PRR16: variants seen among roughly 807,000 people sequenced by gnomAD.
The protein encoded by PRR16 is proline rich 16, also known as protein Largen.
PRR16 carries 6 observed loss-of-function variants against 18.2 expected under a neutral mutation model. The observed-to-expected ratio is 0.33, with a 90% confidence interval of 0.18 to 0.65. PRR16 has a LOEUF of 0.65. Among genes scored for constraint, PRR16 ranks in the 30% least tolerant of loss-of-function variants. The pLI is 0.74. For missense variants in PRR16, 412 were observed against 376.6 expected, an observed-to-expected ratio of 1.09 and a Z score of -0.78; for synonymous variants, 151 against 147.8, an observed-to-expected ratio of 1.02 and a Z score of -0.16.
At chr5:120,666,489 C>T (rs1192696787) in intron 1 of PRR16, among the ~76,000 whole-genome samples, 6 of 151,718 alleles carry the variant, frequency 4.0e-5, no homozygotes, top group Middle Eastern at 3.4e-3. Flanking sequence ...GAACTTCCAA[C>T]ACTATGTTGC....
At chr5:120,643,285 T>C (rs569631951) in intron 1 of PRR16, among the ~76,000 whole-genome samples, 2 of 152,218 alleles carry the variant, frequency 1.3e-5, no homozygotes, top group Admixed American at 1.3e-4. Flanking sequence ...CTCTATTTTA[T>C]TATGAGTTAA....
chr5:120,638,938 A>G (rs1185232099), intron 1 of PRR16, among the ~76,000 whole-genome samples: 1 of 152,114 alleles, frequency 6.6e-6, no homozygotes, highest in Non-Finnish European at 1.5e-5. Flanking sequence ...CATATTTTAT[A>G]TGATTGAAGC....
chr5:120,604,660 A>G (rs1323762665), intron 1 of PRR16, among the ~76,000 whole-genome samples: 1 of 152,002 alleles, frequency 6.6e-6, no homozygotes, highest in Non-Finnish European at 1.5e-5. Context: ...TATGTACTTA[A>G]ATATGTTTTT....
chr5:120,689,946 A>G (rs1444128378), downstream of PRR16, among the ~76,000 whole-genome samples: 3 of 152,152 alleles, frequency 2.0e-5, no homozygotes, highest in Non-Finnish European at 2.9e-5. Flanking sequence ...AAATATGTTC[A>G]CAAAAATACA....
chr5:120,636,572 C>T (rs892069963), intron 1 of PRR16, among the ~76,000 whole-genome samples: 11 of 152,270 alleles, frequency 7.2e-5, no homozygotes, highest in South Asian at 2.1e-4. Flanking sequence ...GGGTAACTGG[C>T]TAGCCACATG....
intron 1 of PRR16, among the ~76,000 whole-genome samples, chr5:120,498,992 T>A (rs896380693): frequency 2.6e-5 from 4 of 152,078 alleles, no homozygotes; most frequent in Non-Finnish European, 4.4e-5. Context: ...TTATGAGGTA[T>A]CTTAGTTTGG....
At chr5:120,782,164 TTAATG>T in the PRR16 span, among the ~76,000 whole-genome samples, 1 of 152,156 alleles carries the variant, frequency 6.6e-6, no homozygotes, top group African/African-American at 2.4e-5. Flanking sequence ...ATTTTGGACT[TTAATG>T]TAAAAGTTTG....
At chr5:120,646,647 C>A (rs531789750) in intron 1 of PRR16, among the ~76,000 whole-genome samples, 1 of 151,902 alleles carries the variant, frequency 6.6e-6, no homozygotes, top group East Asian at 1.9e-4. Flanking sequence ...AAAATCTAGG[C>A]AATGATATGT....
the PRR16 span, among the ~76,000 whole-genome samples, chr5:120,749,957 C>T: frequency 1.3e-5 from 2 of 152,102 alleles, no homozygotes; most frequent in Admixed American, 6.5e-5. Context: ...ATTTGTCTAA[C>T]CACCTCTCCT....
chr5:120,576,034 G>A (rs975125222), intron 1 of PRR16, among the ~76,000 whole-genome samples: 4 of 152,068 alleles, frequency 2.6e-5, no homozygotes, highest in Admixed American at 6.6e-5. Flanking sequence ...ATTCAAAGTG[G>A]ATTAAAGACT....
intron 1 of PRR16, among the ~76,000 whole-genome samples, chr5:120,557,037 C>T (rs994077784): frequency 4.6e-5 from 7 of 151,584 alleles, no homozygotes; most frequent in African/African-American, 1.7e-4. Context: ...CCTTTATAGA[C>T]CCAGATGTAA....
At chr5:120,645,398 C>A (rs889970811) in intron 1 of PRR16, among the ~76,000 whole-genome samples, 4 of 143,512 alleles carry the variant, frequency 2.8e-5, no homozygotes, top group African/African-American at 7.8e-5. Flanking sequence ...CCCCCACACA[C>A]ACACAGGCAG....
rs549665623 is a variant in PRR16 at position 120,473,267 on chromosome 5, C to T, written c.159+8622C>T. Among the ~76,000 whole-genome samples the T allele has an allele frequency of 3.3e-5, 5 of 152,194 alleles. No individual in the cohort carries two copies. The East Asian group carries it at 5.8e-4, about 18-fold the overall frequency. ...GAATGAAGTATAAATTTGATTGCCT[C>T]TTTATTGCATAGCTCAATGTTTTTG... On this transcript the variant is annotated intron_variant, in intron 1 of 1. Coordinates refer to ENST00000407149, the MANE Select transcript of PRR16 (RefSeq NM_001300783.2).
the PRR16 span, among the ~76,000 whole-genome samples, chr5:120,724,508 A>G: frequency 6.6e-6 from 1 of 152,112 alleles, no homozygotes; most frequent in Non-Finnish European, 1.5e-5. Flanking sequence ...TTCGCAATAA[A>G]TATTAGCTAC....
In PRR16 at chr5:120,624,025, T is replaced by C. The variant is rs1754780872; in HGVS notation, c.160-61929T>C. On this transcript the variant is annotated intron_variant, in intron 1 of 1. Coordinates refer to ENST00000407149, the MANE Select transcript of PRR16 (RefSeq NM_001300783.2). ...TTTGTGTGATTAAAAAGTTAAAAAA[T>C]GTTAATATGCATCACTATCTTCCCA... 5.3e-5 allele frequency among the ~76,000 whole-genome samples: 8 copies of C among 152,258 alleles called. No individual in the cohort carries two copies. The South Asian group carries it at 1.7e-3, about 32-fold the overall frequency.
At chr5:120,744,896 AT>A in the PRR16 span, among the ~76,000 whole-genome samples, 1 of 152,182 alleles carries the variant, frequency 6.6e-6, no homozygotes, top group Non-Finnish European at 1.5e-5. Context: ...TAGTTGGAAA[AT>A]TTGAATTGTA....
chr5:120,616,492 T>G (rs1457028539), intron 1 of PRR16, among the ~76,000 whole-genome samples: 1 of 152,180 alleles, frequency 6.6e-6, no homozygotes, highest in Non-Finnish European at 1.5e-5. Context: ...TATGTTTCCC[T>G]GAGGTTGGCT....
At chr5:120,758,030 T>TGTCA in the PRR16 span, among the ~76,000 whole-genome samples, 1 of 30,144 alleles carries the variant, frequency 3.3e-5, no homozygotes, top group Non-Finnish European at 1.3e-4. Context: ...GTAATTTTAT[T>TGTCA]GTCAAGACTT....
At chr5:120,527,364 T>C (rs1401776969) in intron 1 of PRR16, among the ~76,000 whole-genome samples, 1 of 152,202 alleles carries the variant, frequency 6.6e-6, no homozygotes, top group African/African-American at 2.4e-5. Flanking sequence ...TGATTGCTAA[T>C]GTTCATCTGT....
Sources: gnomAD v4.1 joint callset for allele counts (sites outside exome capture counted in the v4.1 genomes callset) on GRCh38, gnomAD v4.1.1 for gene constraint, MANE v1.5 for transcripts, NCBI Gene and HGNC (gene_info 2026-07-23, HGNC 2026-07-21) for gene names.